Variants in USP32 observed in about 807,000 individuals in gnomAD.
The protein encoded by USP32 is ubiquitin carboxyl-terminal hydrolase 32.
In USP32, 59 loss-of-function variants were observed where a neutral mutation model predicts 204.8. The ratio of observed to expected loss-of-function variants is 0.29; its 90% confidence interval spans 0.23 to 0.36. The LOEUF (loss-of-function observed/expected upper bound fraction) is 0.36, where lower values mean the gene tolerates loss of function less well. Ranked by LOEUF, USP32 falls within the 10% of genes least tolerant of loss-of-function variation. The pLI is 1.00. For synonymous variants in USP32, 517 were observed against 678.4 expected (o/e 0.76, Z 3.70); for missense variants, 1,160 against 1,946.4 (o/e 0.60, Z 7.60).
At position 60,204,956 on chromosome 17, in the gene USP32, C is replaced by CT. The variant is rs34428660; in HGVS notation, c.3249+490dup. Reference sequence around the variant, plus strand: ...GGCTGCTTAGTTAAAAAAAAGAAGTCTTTTTTTTTTTTTTTTAGAAGAGAC... The same window carrying CT: ...GGCTGCTTAGTTAAAAAAAAGAAGTCTTTTTTTTTTTTTTTTTAGAAGAGAC... On this transcript the variant is annotated intron_variant, in intron 26 of 33. Coordinates refer to ENST00000300896, the MANE Select transcript of USP32 (RefSeq NM_032582.4). Among the ~76,000 whole-genome samples, 1,135 of 135,244 alleles carry CT rather than the reference C, an allele frequency of 8.4e-3. 8 individuals are homozygous for CT. Among genetic ancestry groups the CT allele is most frequent in the East Asian group, 0.017 (78 of 4,694 alleles). 88.7% of individuals were successfully genotyped at this position (135,244 alleles called of 152,430 possible). A position where few individuals can be genotyped will look rare whatever the true frequency, so the allele number is the denominator to read the frequency against.
chr17:60,407,990 G>C (rs2089991768), intron 1 of USP32, among the ~76,000 whole-genome samples: 2 of 151,514 alleles, frequency 1.3e-5, no homozygotes, highest in Admixed American at 1.3e-4. Context: ...CCCAGCTACT[G>C]GGAAGGCTAA....
Position 60,183,196 on chromosome 17 carries a change from T to C in USP32, c.4092A>G (p.Ser1364=), listed in dbSNP as rs1033421339. 4 of 1,613,686 alleles carry C rather than the reference T, an allele frequency of 2.5e-6. No individual in the cohort carries two copies. The highest frequency in any genetic ancestry group is 2.7e-5 in the African/African-American group (2 of 74,910). Residue 1364 remains serine, a synonymous_variant, in exon 31 of 34, where the codon TCA becomes TCG. Transcript: ENST00000300896. ...EDVLLSKSPS[S]LSANIISSPK... ...GGCTGCTGATGATGTTAGCGCTGAG[T>C]GAGGATGGGCTTTTGCTCAGGAGCA... is the stretch of plus-strand genomic sequence containing the variant.
At chr17:60,341,063 T>C (rs2088646367) in intron 2 of USP32, among the ~76,000 whole-genome samples, 1 of 152,100 alleles carries the variant, frequency 6.6e-6, no homozygotes, top group South Asian at 2.1e-4. Flanking sequence ...GGGCTTCCCT[T>C]TGTGGGTAAC....
chr17:60,392,453 T>A (rs1254845977), upstream of USP32: 1 of 223,454 alleles, frequency 4.5e-6, no homozygotes, highest in Non-Finnish European at 9.4e-6. Context: ...CGACGGGGGG[T>A]GGTGACTTCC....
chr17:60,334,973 A>C (rs1017658491), intron 2 of USP32, among the ~76,000 whole-genome samples: 2 of 141,920 alleles, frequency 1.4e-5, no homozygotes, highest in South Asian at 2.2e-4. Flanking sequence ...TTTTTTATTT[A>C]ACAGTTGCTG....
At chr17:60,389,454 A>G (rs1567891850) in intron 1 of USP32, among the ~76,000 whole-genome samples, 1 of 151,720 alleles carries the variant, frequency 6.6e-6, no homozygotes, top group Non-Finnish European at 1.5e-5. Flanking sequence ...GAGGCAGGAG[A>G]ATGGCTTGAA....
intron 26 of USP32, among the ~76,000 whole-genome samples, chr17:60,199,921 TGCAGTG>T (rs2084630026): frequency 6.6e-6 from 1 of 152,262 alleles, no homozygotes; most frequent in East Asian, 1.9e-4. Context: ...CAGGGCCAGG[TGCAGTG>T]GCTCATGCCT....
intron 1 of USP32, among the ~76,000 whole-genome samples, chr17:60,346,348 C>T (rs2088785975): frequency 6.6e-6 from 1 of 152,148 alleles, no homozygotes; most frequent in African/African-American, 2.4e-5. Context: ...AGCAGGTAAG[C>T]TAAATGCCAC....
At chr17:60,412,788 C>T (rs2090028984) in intron 1 of USP32, among the ~76,000 whole-genome samples, 1 of 152,042 alleles carries the variant, frequency 6.6e-6, no homozygotes, top group South Asian at 2.1e-4. Context: ...ATTCCCAGCT[C>T]CAACATTCAT....
At chr17:60,210,422 G>A (rs34715954) in intron 21 of USP32, among the ~76,000 whole-genome samples, 16 of 148,396 alleles carry the variant, frequency 1.1e-4, no homozygotes, top group Middle Eastern at 3.5e-3. Context: ...AGCGTTTCTC[G>A]TGCCTCAGCC....
In USP32 at chr17:60,255,304, T is replaced by TTTC; in HGVS notation, c.991-47_991-46insGAA. ...TTAGGAACATCTTTTTTTTCTTTTT[T>TTTC]TTTTTTTTTTTGAGACGGAGTCTCA... On this transcript the variant is annotated intron_variant, in intron 9 of 33. Coordinates refer to ENST00000300896, the MANE Select transcript of USP32 (RefSeq NM_032582.4). 5 of 1,493,904 alleles carry TTTC rather than the reference T, an allele frequency of 3.3e-6. No homozygotes were observed. The African/African-American group carries it at 5.8e-5, about 17-fold the overall frequency. 92.5% of individuals were successfully genotyped at this position (1,493,904 alleles called of 1,614,324 possible). A position where few individuals can be genotyped will look rare whatever the true frequency, so the allele number is the denominator to read the frequency against.
At chr17:60,399,822 C>G (rs2089923215) in intron 1 of USP32, among the ~76,000 whole-genome samples, 1 of 152,164 alleles carries the variant, frequency 6.6e-6, no homozygotes, top group Non-Finnish European at 1.5e-5. Flanking sequence ...GGCAAGAGCA[C>G]ATCTGCCAGC....
intron 2 of USP32, among the ~76,000 whole-genome samples, chr17:60,335,068 C>T (rs1196407033): frequency 1.3e-4 from 19 of 142,774 alleles, no homozygotes; most frequent in Non-Finnish European, 2.8e-4. Context: ...CTCAATCTCC[C>T]AGCCTCAAGT....
intron 2 of USP32, among the ~76,000 whole-genome samples, chr17:60,332,659 T>G (rs1156659699): frequency 6.6e-6 from 1 of 151,994 alleles, no homozygotes; most frequent in Non-Finnish European, 1.5e-5. Flanking sequence ...AAAAAAAAAG[T>G]TTACTCTGCC....
At chr17:60,236,332 C>G in intron 11 of USP32, 92 bp from the exon 12 acceptor site, 1 of 1,046,952 alleles carries the variant, frequency 9.6e-7, no homozygotes, top group Non-Finnish European at 1.4e-6. Flanking sequence ...ATAAGGAAAA[C>G]CGCGAAACAT....
chr17:60,276,241 A>G (rs2086837155), intron 5 of USP32, among the ~76,000 whole-genome samples: 2 of 152,196 alleles, frequency 1.3e-5, no homozygotes, highest in Non-Finnish European at 2.9e-5. Flanking sequence ...TAAAAAATGT[A>G]AAACTCATAC....
chr17:60,203,212 C>T, intron 26 of USP32, among the ~76,000 whole-genome samples: 2 of 150,552 alleles, frequency 1.3e-5, no homozygotes, highest in Admixed American at 1.3e-4. Flanking sequence ...ACCATCCTGG[C>T]CAACATGGTG....
At chr17:60,408,470 C>T (rs1030385191) in intron 1 of USP32, among the ~76,000 whole-genome samples, 2 of 151,818 alleles carry the variant, frequency 1.3e-5, no homozygotes, top group South Asian at 2.1e-4. Context: ...CTCTGCCTCC[C>T]GGGTTCAATC....
intron 5 of USP32, among the ~76,000 whole-genome samples, chr17:60,279,435 T>C (rs1182305666): frequency 6.7e-6 from 1 of 149,352 alleles, no homozygotes; most frequent in Non-Finnish European, 1.5e-5. Flanking sequence ...CATTGAGCCA[T>C]AATTGTACCA....
Sources: gnomAD v4.1 joint callset for allele counts (sites outside exome capture counted in the v4.1 genomes callset) on GRCh38, gnomAD v4.1.1 for gene constraint, MANE v1.5 for transcripts, NCBI Gene and HGNC (gene_info 2026-07-23, HGNC 2026-07-21) for gene names.